ADK: variants seen among roughly 807,000 people sequenced by gnomAD.
ADK encodes the protein adenosine kinase.
In ADK, 24 loss-of-function variants were observed where a neutral mutation model predicts 44.7. The observed-to-expected ratio is 0.54, with a 90% CI of 0.39 to 0.76. The LOEUF (loss-of-function observed/expected upper bound fraction) is 0.76, where lower values mean the gene tolerates loss of function less well. Ranked by LOEUF, ADK falls within the 30% of genes least tolerant of loss-of-function variation. The pLI, the probability that ADK is intolerant of heterozygous loss-of-function variation, is 0.00. For synonymous variants in ADK, 128 were observed against 142.6 expected (o/e 0.90, Z 0.73); for missense variants, 321 against 425.1 (o/e 0.76, Z 2.15).
chr10:74,293,038 C>T (rs1036117428), intron 3 of ADK, among the ~76,000 whole-genome samples: 11 of 151,692 alleles, frequency 7.3e-5, no homozygotes, highest in African/African-American at 2.7e-4. Context: ...TGTGGTGGTG[C>T]ATGCTTGTGG....
At chr10:74,371,976 T>C (rs1452128646) in intron 4 of ADK, 3 of 849,692 alleles carry the variant, frequency 3.5e-6, no homozygotes, top group African/African-American at 3.3e-5. Context: ...CGTTGCTTTG[T>C]GTAACACAGA....
At chr10:74,532,634 A>T (rs1265513989) in intron 7 of ADK, among the ~76,000 whole-genome samples, 1 of 152,070 alleles carries the variant, frequency 6.6e-6, no homozygotes, top group Non-Finnish European at 1.5e-5. Context: ...GGCATAGTGC[A>T]TCACGCCTGT....
At chr10:74,375,008 AC>A (rs1842775572) in intron 4 of ADK, among the ~76,000 whole-genome samples, 1 of 152,038 alleles carries the variant, frequency 6.6e-6, no homozygotes, top group South Asian at 2.1e-4. Flanking sequence ...CTATTCCCTC[AC>A]AGAGTACTTT....
chr10:74,219,676 A>G (rs1844215728), intron 2 of ADK, among the ~76,000 whole-genome samples: 1 of 151,854 alleles, frequency 6.6e-6, no homozygotes, highest in Non-Finnish European at 1.5e-5. Flanking sequence ...TGTCTCTCAG[A>G]CCACAGTGCA....
At chr10:74,256,025 G>A (rs1845811397) in intron 3 of ADK, among the ~76,000 whole-genome samples, 1 of 152,142 alleles carries the variant, frequency 6.6e-6, no homozygotes, top group South Asian at 2.1e-4. Context: ...TCCTTTGGGT[G>A]TTGTAATCAG....
At chr10:74,225,539 T>G (rs1344407746) in intron 3 of ADK, among the ~76,000 whole-genome samples, 1 of 152,240 alleles carries the variant, frequency 6.6e-6, no homozygotes, top group Non-Finnish European at 1.5e-5. Context: ...CCAAGTACTT[T>G]TAAACTGCTT....
intron 9 of ADK, among the ~76,000 whole-genome samples, chr10:74,657,189 C>T (rs1298682469): frequency 6.6e-6 from 1 of 152,174 alleles, no homozygotes; most frequent in Non-Finnish European, 1.5e-5. Flanking sequence ...TGCACGTGGT[C>T]AGCCTTCTAT....
chr10:74,545,445 T>C (rs1384710403), intron 7 of ADK, among the ~76,000 whole-genome samples: 2 of 152,196 alleles, frequency 1.3e-5, no homozygotes, highest in African/African-American at 2.4e-5. Context: ...AAAAATATTT[T>C]GTTCCATCCT....
chr10:74,505,163 T>C (rs1224842787), intron 6 of ADK, among the ~76,000 whole-genome samples: 1 of 152,106 alleles, frequency 6.6e-6, no homozygotes, highest in Non-Finnish European at 1.5e-5. Context: ...AGAAATACGT[T>C]GTAATTTCTG....
intron 3 of ADK, among the ~76,000 whole-genome samples, chr10:74,269,496 A>G (rs1846345438): frequency 6.6e-6 from 1 of 152,204 alleles, no homozygotes; most frequent in Non-Finnish European, 1.5e-5. Flanking sequence ...CACAAACCAC[A>G]TGAGACCAAA....
chr10:74,165,987 G>T (rs900343092), intron 1 of ADK, among the ~76,000 whole-genome samples: 5 of 152,106 alleles, frequency 3.3e-5, no homozygotes, highest in African/African-American at 1.2e-4. Context: ...TTGCTCTGTT[G>T]CCCAGGCTGG....
chr10:74,163,693 T>C (rs559773163), intron 1 of ADK, among the ~76,000 whole-genome samples: 20 of 152,364 alleles, frequency 1.3e-4, no homozygotes, highest in African/African-American at 4.3e-4. Flanking sequence ...AATCTCGATA[T>C]AGCAAAAGAA....
At chr10:74,614,748 T>C (rs930864306) in intron 9 of ADK, among the ~76,000 whole-genome samples, 1 of 152,186 alleles carries the variant, frequency 6.6e-6, no homozygotes, top group African/African-American at 2.4e-5. Flanking sequence ...TTCAGTCCTA[T>C]AATCAACTAT....
intron 10 of ADK, among the ~76,000 whole-genome samples, chr10:74,679,402 T>C (rs1325032193): frequency 6.6e-6 from 1 of 152,194 alleles, no homozygotes; most frequent in Non-Finnish European, 1.5e-5. Flanking sequence ...TTATGAATAA[T>C]GTTGGTAATA....
intron 1 of ADK, among the ~76,000 whole-genome samples, chr10:74,175,750 AC>A (rs1376163160): frequency 7.2e-5 from 11 of 152,152 alleles, no homozygotes; most frequent in African/African-American, 2.7e-4. Flanking sequence ...ACATAGTGAG[AC>A]CCTGTCTCTA....
chr10:74,210,320 T>C (rs1591859213), intron 2 of ADK, among the ~76,000 whole-genome samples: 2 of 103,960 alleles, frequency 1.9e-5, no homozygotes, highest in Admixed American at 1.4e-4. Context: ...AGAGTGAGAC[T>C]CCATCTCAGG....
intron 6 of ADK, among the ~76,000 whole-genome samples, chr10:74,430,571 G>A (rs12772421): frequency 0.022 from 3,300 of 152,078 alleles, 59 homozygotes; most frequent in Non-Finnish European, 0.038. Context: ...CCTGGTCAAC[G>A]TAGCAAGACC....
chr10:74,585,701 T>G (rs1407534042), intron 7 of ADK, among the ~76,000 whole-genome samples: 1 of 152,190 alleles, frequency 6.6e-6, no homozygotes, highest in Admixed American at 6.5e-5. Flanking sequence ...GATAATCACC[T>G]GCATTAGGAA....
intron 6 of ADK, among the ~76,000 whole-genome samples, chr10:74,488,766 A>G (rs531547188): frequency 6.6e-6 from 1 of 151,842 alleles, no homozygotes; most frequent in African/African-American, 2.4e-5. Flanking sequence ...GTGGGATTTC[A>G]TGTTTAGCTT....
Sources: allele counts gnomAD v4.1 joint callset (sites outside exome capture counted in the v4.1 genomes callset), GRCh38; gene constraint gnomAD v4.1.1; transcripts MANE v1.5; gene names NCBI Gene and HGNC (gene_info 2026-07-23, HGNC 2026-07-21).